Variants in EIPR1 observed in about 807,000 individuals in gnomAD.
The protein encoded by EIPR1 is EARP and GARP complex-interacting protein 1.
EIPR1 carries 25 observed loss-of-function variants against 48.1 expected under a neutral mutation model. The ratio of observed to expected loss-of-function variants is 0.52; its 90% confidence interval spans 0.38 to 0.73. The LOEUF (loss-of-function observed/expected upper bound fraction) is 0.73, where lower values mean the gene tolerates loss of function less well. Ranked by LOEUF, EIPR1 falls within the 30% of genes least tolerant of loss-of-function variation. The probability of loss-of-function intolerance (pLI) is 0.00; values close to 1 mark genes in which losing one functional copy is unlikely to be tolerated. For missense variants in EIPR1, 415 were observed against 506.2 expected (o/e 0.82, Z 1.73); for synonymous variants, 204 against 201.9 (o/e 1.01, Z -0.09).
intron 5 of EIPR1, among the ~76,000 whole-genome samples, chr2:3,209,386 A>G (rs528359028): frequency 6.6e-6 from 1 of 152,366 alleles, no homozygotes; most frequent in East Asian, 1.9e-4. Flanking sequence ...CAAGCAGCCC[A>G]GAAAAAACCA....
chr2:3,376,454 A>G (rs1038558121), intron 1 of EIPR1, among the ~76,000 whole-genome samples: 2 of 152,178 alleles, frequency 1.3e-5, no homozygotes, highest in Non-Finnish European at 2.9e-5. Flanking sequence ...ACACTTTGGG[A>G]GGCTGAGGCA....
Position 3,192,404 on chromosome 2 carries a change from G to A in EIPR1, c.989+10C>T, listed in dbSNP as rs980781619. Reference sequence around the variant, plus strand: ...TACAGCGTGAGCCACTCTGCAGTGCGTGCCCTTACTTCTCTTCAGAACGGT... The same window carrying A: ...TACAGCGTGAGCCACTCTGCAGTGCATGCCCTTACTTCTCTTCAGAACGGT... On this transcript the variant is annotated intron_variant, in intron 8 of 8. Transcript: ENST00000382125. 4 of 1,602,754 alleles carry A rather than the reference G, an allele frequency of 2.5e-6. No individual in the cohort carries two copies. Among genetic ancestry groups the A allele is most frequent in the East Asian group, 2.2e-5 (1 of 44,492 alleles).
At chr2:3,347,455 T>G (rs1423569313) in intron 2 of EIPR1, among the ~76,000 whole-genome samples, 1 of 152,218 alleles carries the variant, frequency 6.6e-6, no homozygotes, top group Non-Finnish European at 1.5e-5. Context: ...GCACAAGCTC[T>G]CTTTGCCTGC....
intron 1 of EIPR1, among the ~76,000 whole-genome samples, chr2:3,374,401 C>T (rs1201535868): frequency 2.6e-5 from 4 of 151,708 alleles, no homozygotes; most frequent in African/African-American, 9.7e-5. Flanking sequence ...AACTAAAGAG[C>T]TTCTGTACAG....
At chr2:3,244,306 TA>T (rs1170755632) in intron 4 of EIPR1, among the ~76,000 whole-genome samples, 1 of 152,224 alleles carries the variant, frequency 6.6e-6, no homozygotes, top group Admixed American at 6.5e-5. Flanking sequence ...CCCTGTTTAT[TA>T]AACATAGAAG....
At chr2:3,363,543 A>G (rs958700064) in intron 1 of EIPR1, among the ~76,000 whole-genome samples, 3 of 152,138 alleles carry the variant, frequency 2.0e-5, no homozygotes, top group African/African-American at 7.2e-5. Flanking sequence ...ATAAAATATA[A>G]AAGTCAGCCA....
intron 4 of EIPR1, among the ~76,000 whole-genome samples, chr2:3,220,946 T>A (rs1353673289): frequency 6.7e-6 from 1 of 149,444 alleles, no homozygotes; most frequent in Admixed American, 6.7e-5. Context: ...GCATTTATAG[T>A]CAGGTGCACA....
intron 1 of EIPR1, among the ~76,000 whole-genome samples, chr2:3,364,303 T>C (rs1670921031): frequency 6.6e-6 from 1 of 152,100 alleles, no homozygotes; most frequent in South Asian, 2.1e-4. Context: ...AAATGTGCTA[T>C]ACATACACAG....
intron 3 of EIPR1, chr2:3,261,806 A>G (rs1667342458): frequency 6.6e-6 from 1 of 152,236 alleles, no homozygotes; most frequent in Non-Finnish European, 1.5e-5. Flanking sequence ...AGTTTGTGAA[A>G]TACCCATACC....
intron 4 of EIPR1, among the ~76,000 whole-genome samples, chr2:3,245,095 T>C (rs1666753905): frequency 6.6e-6 from 1 of 152,230 alleles, no homozygotes; most frequent in Non-Finnish European, 1.5e-5. Flanking sequence ...TTTCTAATAA[T>C]TAATTTTAAT....
At chr2:3,222,807 C>G (rs538668248) in intron 4 of EIPR1, among the ~76,000 whole-genome samples, 1 of 152,122 alleles carries the variant, frequency 6.6e-6, no homozygotes, top group Non-Finnish European at 1.5e-5. Flanking sequence ...GAGACCAGAT[C>G]GAGATATCAT....
In EIPR1 at chr2:3,200,135, G is replaced by A. The variant is rs192458980; in HGVS notation, c.517-3118C>T. 2.7e-3 allele frequency among the ~76,000 whole-genome samples: 404 copies of A among 152,190 alleles called. 1 individual carries two copies. The highest frequency in any genetic ancestry group is 8.8e-3 in the African/African-American group (367 of 41,504). On this transcript the variant is annotated intron_variant, in intron 5 of 8. Transcript: ENST00000382125. Reference sequence around the variant, plus strand: ...TAGTCAGAGGAGCTCTCTAGGAATCGCTTGGACAGGGGCACCAGCAGGCTG... The same window carrying A: ...TAGTCAGAGGAGCTCTCTAGGAATCACTTGGACAGGGGCACCAGCAGGCTG...
intron 5 of EIPR1, chr2:3,208,604 T>C: frequency 1.9e-6 from 3 of 1,550,588 alleles, no homozygotes; most frequent in Non-Finnish European, 8.7e-7. Flanking sequence ...GCTCACTGAG[T>C]GTCTGTTGAA....
chr2:3,217,769 A>G (rs889698631), intron 4 of EIPR1, among the ~76,000 whole-genome samples: 2 of 152,064 alleles, frequency 1.3e-5, no homozygotes, highest in Admixed American at 6.6e-5. Context: ...AAGACCCCGC[A>G]TGGTACCAGT....
intron 3 of EIPR1, among the ~76,000 whole-genome samples, chr2:3,287,797 C>CTATG (rs1558275214): frequency 1.2e-5 from 1 of 81,056 alleles, no homozygotes; most frequent in Non-Finnish European, 2.8e-5. Context: ...AGCTCATTCA[C>CTATG]CATGCTCTAG....
At chr2:3,337,796 T>C (rs7599088) in intron 3 of EIPR1, among the ~76,000 whole-genome samples, 37,483 of 152,114 alleles carry the variant, frequency 0.25, 4,833 homozygotes, top group Non-Finnish European at 0.27. Flanking sequence ...GTCAACGTTC[T>C]CAGAACAGCT....
chr2:3,319,790 C>A (rs1237119801), intron 3 of EIPR1: 1 of 144,632 alleles, frequency 6.9e-6, no homozygotes, highest in African/African-American at 3.1e-5. Context: ...CACCTGCGGG[C>A]AACACCACCC....
At chr2:3,241,577 C>G (rs933286657) in intron 4 of EIPR1, among the ~76,000 whole-genome samples, 1 of 152,146 alleles carries the variant, frequency 6.6e-6, no homozygotes, top group African/African-American at 2.4e-5. Context: ...TTTCTTTGTT[C>G]GTAAAAATCA....
intron 3 of EIPR1, among the ~76,000 whole-genome samples, chr2:3,284,110 A>G (rs977607937): frequency 3.2e-4 from 48 of 152,236 alleles, no homozygotes; most frequent in African/African-American, 1.2e-3. Flanking sequence ...AGGCCGCGGC[A>G]CGGCTGCAGG....
Sources: allele counts gnomAD v4.1 joint callset (sites outside exome capture counted in the v4.1 genomes callset), GRCh38; gene constraint gnomAD v4.1.1; transcripts MANE v1.5; gene names NCBI Gene and HGNC (gene_info 2026-07-23, HGNC 2026-07-21).